Variants in SOX5 observed in about 807,000 individuals in gnomAD.
The protein encoded by SOX5 is transcription factor SOX-5.
A neutral mutation model predicts 92.0 loss-of-function variants in SOX5; 9 were observed. The ratio of observed to expected loss-of-function variants is 0.10; its 90% CI spans 0.06 to 0.17. SOX5 has a LOEUF of 0.17. Ranked by LOEUF, SOX5 falls within the 10% of genes least tolerant of loss-of-function variation. The pLI, the probability that SOX5 is intolerant of heterozygous loss-of-function variation, is 1.00. For missense variants in SOX5, 642 were observed against 944.5 expected (o/e 0.68, Z 4.20); for synonymous variants, 344 against 336.3 (o/e 1.02, Z -0.25).
chr12:24,431,800 C>A (rs1037880131), intron 1 of SOX5, among the ~76,000 whole-genome samples: 5 of 152,100 alleles, frequency 3.3e-5, no homozygotes, highest in African/African-American at 9.7e-5. Context: ...GCTGCTGACA[C>A]CTGACTAAAA....
At chr12:24,162,161 G>T (rs1339578725) in intron 4 of SOX5, among the ~76,000 whole-genome samples, 2 of 152,008 alleles carry the variant, frequency 1.3e-5, no homozygotes, top group African/African-American at 2.4e-5. Flanking sequence ...TCCTACTAGG[G>T]TTCAAGAGTT....
chr12:24,248,495 CT>C (rs1939349691), intron 3 of SOX5, among the ~76,000 whole-genome samples: 1 of 152,172 alleles, frequency 6.6e-6, no homozygotes, highest in Non-Finnish European at 1.5e-5. Flanking sequence ...AGTGATTCTC[CT>C]GCCTCAGCCT....
At chr12:24,040,030 C>T (rs1275851824) in intron 4 of SOX5, among the ~76,000 whole-genome samples, 2 of 151,228 alleles carry the variant, frequency 1.3e-5, no homozygotes, top group Non-Finnish European at 2.9e-5. Flanking sequence ...ACTTAAAATT[C>T]TAAATTACTT....
chr12:23,876,346 T>C (rs529526141), intron 2 of SOX5, among the ~76,000 whole-genome samples: 4 of 152,264 alleles, frequency 2.6e-5, no homozygotes, highest in South Asian at 2.1e-4. Flanking sequence ...CAAAAGAAGA[T>C]ATTTATGCAG....
chr12:24,073,605 T>C (rs1942090184), intron 4 of SOX5, among the ~76,000 whole-genome samples: 1 of 152,198 alleles, frequency 6.6e-6, no homozygotes, highest in African/African-American at 2.4e-5. Context: ...TTTACAGCCA[T>C]TTTCAATAAA....
intron 1 of SOX5, among the ~76,000 whole-genome samples, chr12:24,444,301 T>TGTGC (rs751751334): frequency 1.4e-4 from 21 of 146,224 alleles, no homozygotes; most frequent in Non-Finnish European, 3.1e-4. Flanking sequence ...TGTGTGTGTG[T>TGTGC]GTGCACCCAT....
chr12:24,098,650 TAGTAA>T (rs1217595665), intron 4 of SOX5, among the ~76,000 whole-genome samples: 2 of 152,174 alleles, frequency 1.3e-5, no homozygotes, highest in Non-Finnish European at 2.9e-5. Context: ...AAATTTGCCC[TAGTAA>T]AGTAACTTTT....
At chr12:24,054,821 T>A (rs1277500881) in intron 4 of SOX5, among the ~76,000 whole-genome samples, 1 of 152,196 alleles carries the variant, frequency 6.6e-6, no homozygotes, top group Non-Finnish European at 1.5e-5. Context: ...CGGGCATGTA[T>A]AAATTGGGGG....
chr12:24,335,821 G>A (rs1595703207), intron 2 of SOX5, among the ~76,000 whole-genome samples: 1 of 151,334 alleles, frequency 6.6e-6, no homozygotes, highest in East Asian at 1.9e-4. Context: ...ATAAAAAAAA[G>A]TTTTCAGACT....
intron 2 of SOX5, among the ~76,000 whole-genome samples, chr12:23,879,285 ACTCT>A (rs1383570384): frequency 2.6e-5 from 4 of 152,056 alleles, no homozygotes; most frequent in East Asian, 3.9e-4. Flanking sequence ...CTACTTAGTG[ACTCT>A]CTATTTTAAT....
intron 6 of SOX5, among the ~76,000 whole-genome samples, chr12:23,731,375 T>A (rs1479454): frequency 3.3e-5 from 5 of 152,144 alleles, no homozygotes; most frequent in African/African-American, 4.8e-5. Context: ...TATACCTACA[T>A]CTATATTTAT....
Position 24,427,350 on chromosome 12 carries a change from G to A in SOX5, c.-250-58711C>T, listed in dbSNP as rs146483873. On this transcript the variant is annotated intron_variant, in intron 1 of 4. Coordinates refer to the SOX5 transcript ENST00000446891. ...GTTGGTTTAAATCACTTATTTAACG[G>A]GGTGGAAGTGTAAATAACTAAAATA... Among the ~76,000 whole-genome samples the A allele has an allele frequency of 4.1e-3, 621 of 152,258 alleles. 2 individuals carry two copies. The highest frequency in any genetic ancestry group is 6.8e-3 in the Middle Eastern group (2 of 294).
intron 3 of SOX5, among the ~76,000 whole-genome samples, chr12:24,215,106 C>T (rs1218439206): frequency 1.3e-5 from 2 of 152,038 alleles, no homozygotes; most frequent in Non-Finnish European, 2.9e-5. Flanking sequence ...AGGAAACTTC[C>T]TCAACCTAGT....
chr12:23,889,604 C>A (rs1485644629), intron 2 of SOX5, among the ~76,000 whole-genome samples: 3 of 152,112 alleles, frequency 2.0e-5, no homozygotes, highest in East Asian at 1.9e-4. Flanking sequence ...TGAATGAATT[C>A]TTTCAGTGTT....
intron 4 of SOX5, among the ~76,000 whole-genome samples, chr12:24,190,266 A>G (rs1956395282): frequency 6.6e-6 from 1 of 152,206 alleles, no homozygotes; most frequent in Non-Finnish European, 1.5e-5. Context: ...ACCCTGTGTC[A>G]TTTCCAAACT....
chr12:24,320,301 C>T lies in SOX5; in HGVS notation c.-173-42989G>A, dbSNP rs949262896. ...AATAAGTAGCTTTAATATGAGTTTT[C>T]TCTCTTTACCAAGTTTTCCTTTATA... On this transcript the variant is annotated intron_variant, in intron 2 of 4. Coordinates refer to the SOX5 transcript ENST00000446891. Among the ~76,000 whole-genome samples the T allele has an allele frequency of 3.3e-5, 5 of 152,304 alleles. No individual in the cohort carries two copies. In the East Asian group the frequency reaches 7.7e-4, roughly 24 times the overall value.
At chr12:23,910,553 G>T (rs1040814973) in intron 1 of SOX5, among the ~76,000 whole-genome samples, 9 of 152,268 alleles carry the variant, frequency 5.9e-5, no homozygotes, top group Admixed American at 5.9e-4. Flanking sequence ...GTATTAGTTA[G>T]TAAGCAAAAC....
At chr12:23,861,671 G>A (rs139780792) in intron 2 of SOX5, among the ~76,000 whole-genome samples, 22 of 152,178 alleles carry the variant, frequency 1.4e-4, no homozygotes, top group African/African-American at 4.8e-4. Context: ...CTCTATTTAT[G>A]TTATAAAGCT....
intron 4 of SOX5, among the ~76,000 whole-genome samples, chr12:23,997,830 T>C (rs1191779235): frequency 6.6e-6 from 1 of 152,156 alleles, no homozygotes; most frequent in Non-Finnish European, 1.5e-5. Flanking sequence ...ACAAAATTTT[T>C]CTATAAAAAG....
Sources: allele counts gnomAD v4.1 joint callset (sites outside exome capture counted in the v4.1 genomes callset), GRCh38; gene constraint gnomAD v4.1.1; transcripts MANE v1.5; gene names NCBI Gene and HGNC (gene_info 2026-07-23, HGNC 2026-07-21).